Variants in SVIL observed in about 807,000 individuals in gnomAD.
The protein encoded by SVIL is supervillin, also known as archvillin.
A neutral mutation model predicts 240.4 loss-of-function variants in SVIL; 101 were observed. That is an observed-to-expected ratio of 0.42 (90% CI 0.36 to 0.50). SVIL has a LOEUF of 0.50. Ranked by LOEUF, SVIL falls within the 20% of genes least tolerant of loss-of-function variation. SVIL has a pLI of 0.01. For missense variants in SVIL, 2,512 were observed against 2,818.7 expected, an observed-to-expected ratio of 0.89 and a Z score of 2.46; for synonymous variants, 999 against 1,100.0, an observed-to-expected ratio of 0.91 and a Z score of 1.82.
rs757919600 is a variant in SVIL, at chr10:29,487,314, G to C, written c.4349-15C>G. On this transcript the variant is annotated splice_polypyrimidine_tract_variant and intron_variant, in intron 23 of 37. Coordinates refer to ENST00000355867, the MANE Select transcript of SVIL (RefSeq NM_021738.3). The stretch of plus-strand genomic sequence containing the variant: ...ATGTCTTCTTCCTGAACACGAGGCA[G>C]ACAGTCACCGTCTTTCCAGACAGAA... The C allele has an allele frequency of 3.1e-6, 5 of 1,613,742 alleles. No individual in the cohort carries two copies. The East Asian group carries it at 1.1e-4, about 36-fold the overall frequency.
In SVIL at chr10:29,613,356, G is replaced by T. The variant is rs1334978207; in HGVS notation, c.-201+21064C>A. Among the ~76,000 whole-genome samples the T allele has an allele frequency of 2.0e-5, 3 of 152,070 alleles. No homozygotes were observed. In the South Asian group the frequency reaches 6.2e-4, roughly 32 times the overall value. On this transcript the variant is annotated intron_variant, in intron 1 of 37. Transcript: ENST00000355867. ...TTTTATTTATTTATTTATTTAGAGTGGGGTGTTGCTCTGTTGCTCAGGCCG... is the reference window on the plus strand; with the variant it reads ...TTTTATTTATTTATTTATTTAGAGTTGGGTGTTGCTCTGTTGCTCAGGCCG...
At chr10:29,575,927 T>G (rs1313660417) in intron 1 of SVIL, among the ~76,000 whole-genome samples, 1 of 152,120 alleles carries the variant, frequency 6.6e-6, no homozygotes, top group Non-Finnish European at 1.5e-5. Flanking sequence ...CAGACTAAAT[T>G]TTCTATAATA....
intron 1 of SVIL, among the ~76,000 whole-genome samples, chr10:29,607,521 T>C (rs1230994167): frequency 6.6e-6 from 1 of 152,188 alleles, no homozygotes; most frequent in Non-Finnish European, 1.5e-5. Context: ...AAATTCTTTT[T>C]TGTATTTTTT....
intron 1 of SVIL, among the ~76,000 whole-genome samples, chr10:29,727,038 C>T (rs1387521970): frequency 1.3e-5 from 2 of 152,214 alleles, no homozygotes; most frequent in African/African-American, 4.8e-5. Flanking sequence ...CAAGCATACA[C>T]ACACACACCA....
chr10:29,640,031 C>G (rs2132977809), intron 3 of SVIL, among the ~76,000 whole-genome samples: 1 of 152,302 alleles, frequency 6.6e-6, no homozygotes, highest in East Asian at 1.9e-4. Flanking sequence ...CCAGAATATG[C>G]TCCAGCGACT....
At chr10:29,604,429 C>T (rs1260216326) in intron 1 of SVIL, among the ~76,000 whole-genome samples, 1 of 133,202 alleles carries the variant, frequency 7.5e-6, no homozygotes. Flanking sequence ...GCCACGTTGG[C>T]CAGGCTGGTC....
intron 3 of SVIL, among the ~76,000 whole-genome samples, chr10:29,642,409 G>A (rs77238989): frequency 7.1e-6 from 1 of 140,514 alleles, no homozygotes; most frequent in Non-Finnish European, 1.5e-5. Flanking sequence ...GAAAGAAAGA[G>A]AGAGAGTGAG....
chr10:29,702,482 A>G (rs1282685711), intron 1 of SVIL, among the ~76,000 whole-genome samples: 2 of 152,148 alleles, frequency 1.3e-5, no homozygotes, highest in Non-Finnish European at 2.9e-5. Flanking sequence ...TTCTGAGCTC[A>G]CTCAGCTACT....
At chr10:29,487,531 C>T in intron 23 of SVIL, 1 of 523,990 alleles carries the variant, frequency 1.9e-6, no homozygotes, top group Non-Finnish European at 3.4e-6. Context: ...TTCTCAGGAC[C>T]ATTATCAGTG....
chr10:29,554,121 G>A (rs992133715), intron 5 of SVIL, among the ~76,000 whole-genome samples: 7 of 152,160 alleles, frequency 4.6e-5, no homozygotes, highest in Non-Finnish European at 8.8e-5. Context: ...GCGGGGCAGA[G>A]ATGACATACA....
At position 29,529,708 on chromosome 10, in the gene SVIL, G is replaced by T. The variant is rs1488386491; in HGVS notation, c.2243C>A (p.Ala748Asp). ...PITTEEVVIA[A>D]TEPIPASCSG... The stretch of plus-strand genomic sequence containing the variant: ...GAGAAGTCCTGTGGGCACTTACGTG[G>T]CTGCGATGACCACCTCTTCAGTGGT... Residue 748 changes from alanine (A) to aspartate (D), a missense_variant, in exon 12 of 38, where the codon GCC becomes GAC. This residue lies in a region of SVIL where 1,443 missense variants were observed against 1,486.6 expected (regional missense o/e 0.97). Coordinates refer to ENST00000355867, the MANE Select transcript of SVIL (RefSeq NM_021738.3). The T allele has an allele frequency of 6.2e-7, 1 of 1,603,414 alleles. No individual in the cohort carries two copies. The highest frequency in any genetic ancestry group is 1.1e-5 in the South Asian group (1 of 89,212).
intron 12 of SVIL, among the ~76,000 whole-genome samples, chr10:29,527,302 A>C (rs1385379087): frequency 6.6e-6 from 1 of 152,206 alleles, no homozygotes; most frequent in Non-Finnish European, 1.5e-5. Context: ...GGGAGGATTT[A>C]CTCTGTCTTG....
Position 29,668,230 on chromosome 10 carries a change from GACCCTGTCTCA to G in SVIL, c.-300-10173_-300-10163del, listed in dbSNP as rs557607495. ...TACTGTAGCCTGGGCACCAGAGTGA[GACCCTGTCTCA>G]AAAAAAGAAAAAACAGAGGAATATG... On this transcript the variant is annotated intron_variant, in intron 2 of 35. Transcript: ENST00000375400. 1.2e-3 allele frequency among the ~76,000 whole-genome samples: 182 copies of G among 152,244 alleles called. 2 individuals carry two copies. The highest frequency in any genetic ancestry group is 4.0e-3 in the African/African-American group (165 of 41,542).
intron 3 of SVIL, among the ~76,000 whole-genome samples, chr10:29,561,954 T>C (rs1158056169): frequency 6.6e-6 from 1 of 152,158 alleles, no homozygotes; most frequent in East Asian, 1.9e-4. Flanking sequence ...ATCCCCTGAG[T>C]CTTTCAGACA....
intron 2 of SVIL, among the ~76,000 whole-genome samples, chr10:29,669,925 G>A (rs1315515701): frequency 6.6e-6 from 1 of 152,044 alleles, no homozygotes; most frequent in East Asian, 1.9e-4. Flanking sequence ...ACCAGCCTAG[G>A]CAACTCAGGG....
intron 17 of SVIL, among the ~76,000 whole-genome samples, chr10:29,509,375 GA>G (rs1390748329): frequency 1.5e-5 from 2 of 136,030 alleles, no homozygotes; most frequent in East Asian, 4.4e-4. Flanking sequence ...GAGAGAGAGA[GA>G]GAGAATACCC....
chr10:29,670,936 G>A (rs908343016), intron 2 of SVIL: 7 of 152,142 alleles, frequency 4.6e-5, no homozygotes, highest in East Asian at 1.9e-4. Context: ...TCTTCCAGGA[G>A]TCCAACAACT....
At chr10:29,493,707 G>GT (rs113640973) in intron 20 of SVIL, among the ~76,000 whole-genome samples, 5,956 of 152,172 alleles carry the variant, frequency 0.039, 384 homozygotes, top group African/African-American at 0.13. Context: ...CTCATTCTAC[G>GT]TGAAGGGTTG....
Position 29,532,622 on chromosome 10 carries a change from T to C in SVIL, c.1745A>G (p.Tyr582Cys), listed in dbSNP as rs778441268. 16 of 1,614,052 alleles carry C rather than the reference T, an allele frequency of 9.9e-6. No homozygotes were observed. The Admixed American group carries it at 2.3e-4, about 24-fold the overall frequency. The change falls in exon 8 of 38, where the codon TAT (tyrosine) becomes TGT (cysteine). Residue 582 changes from tyrosine to cysteine, a missense_variant. Coordinates refer to ENST00000355867, the MANE Select transcript of SVIL (RefSeq NM_021738.3). The part of the protein sequence containing the change: ...ELPSSKTEGP[Y>C]GEISMLDTKV... ...TGTGTCCAGCATGCTGATCTCCCCATAAGGCCCTTCGGTCTTGGAGCTGGG... is the reference window on the plus strand; with the variant it reads ...TGTGTCCAGCATGCTGATCTCCCCACAAGGCCCTTCGGTCTTGGAGCTGGG...
Sources: gnomAD v4.1 joint callset for allele counts (sites outside exome capture counted in the v4.1 genomes callset) on GRCh38, gnomAD v4.1.1 for gene constraint, gnomAD v4.1.1 regional missense constraint, MANE v1.5 for transcripts, NCBI Gene and HGNC (gene_info 2026-07-23, HGNC 2026-07-21) for gene names.